Variants in USP35 observed in about 807,000 individuals in gnomAD.
USP35 encodes the protein ubiquitin carboxyl-terminal hydrolase 35.
A neutral mutation model predicts 83.8 loss-of-function variants in USP35; 69 were observed. The ratio of observed to expected loss-of-function variants is 0.82; its 90% CI spans 0.68 to 1.01. The LOEUF (loss-of-function observed/expected upper bound fraction) is 1.01, where lower values mean the gene tolerates loss of function less well. Ranked by LOEUF, USP35 falls within the 50% of genes least tolerant of loss-of-function variation. The pLI is 0.00. For synonymous variants in USP35, 714 were observed against 589.5 expected (o/e 1.21, Z -3.06); for missense variants, 1,503 against 1,362.5 (o/e 1.10, Z -1.62).
rs61760228 is a variant in USP35 at position 78,209,815 on chromosome 11, C to T, written c.1960C>T (p.Pro654Ser). 3,168 of 1,613,640 alleles carry T rather than the reference C, an allele frequency of 2.0e-3. 8 individuals are homozygous for T. The highest frequency in any genetic ancestry group is 2.5e-3 in the Non-Finnish European group (2,997 of 1,179,822). ...RKHCITEDTP[P>S]TSLYIEGLDS... ...ACACTGCATCACAGAGGACACCCCC[C>T]CCACCAGCCTGTACATCGAAGGCCT... The change falls in exon 10 of 11, where the codon CCC (proline) becomes TCC (serine). Residue 654 changes from proline to serine, a missense_variant. Transcript: ENST00000529308.
the USP35 span, among the ~76,000 whole-genome samples, chr11:78,230,258 G>GT: frequency 1.3e-5 from 2 of 152,164 alleles, no homozygotes; most frequent in Non-Finnish European, 2.9e-5. Context: ...ACTAGCTTAC[G>GT]TTCCAACTTC....
the USP35 span, among the ~76,000 whole-genome samples, chr11:78,221,052 C>T: frequency 3.3e-5 from 5 of 152,228 alleles, no homozygotes; most frequent in Admixed American, 6.5e-5. Context: ...TCAGATGACA[C>T]GCTCTAGGAT....
At position 78,199,711 on chromosome 11, in the gene USP35, C is replaced by T; in HGVS notation, c.923C>T (p.Thr308Ile). The T allele has an allele frequency of 6.2e-7, 1 of 1,614,218 alleles. No individual in the cohort carries two copies. The highest frequency in any genetic ancestry group is 8.5e-7 in the Non-Finnish European group (1 of 1,180,034). The change falls in exon 4 of 11, where the codon ACC (threonine) becomes ATC (isoleucine). Residue 308 changes from threonine (T) to isoleucine (I), a missense_variant. Transcript: ENST00000529308. ...KFSILIEVSL[T>I]KIEKVFSKLL... ...AGCATCTTGATCGAGGTTTCGCTCACCAAAATTGAGAAGGTTGGTGCCCCT... is the reference window on the plus strand; with the variant it reads ...AGCATCTTGATCGAGGTTTCGCTCATCAAAATTGAGAAGGTTGGTGCCCCT...
intron 6 of USP35, among the ~76,000 whole-genome samples, chr11:78,201,275 G>C (rs938496241): frequency 1.4e-4 from 21 of 152,150 alleles, no homozygotes; most frequent in African/African-American, 5.1e-4. Flanking sequence ...ATCACTGTCT[G>C]TCTGCCTCCC....
At chr11:78,219,234 G>A (rs923042940), downstream of USP35, 1 of 1,601,434 alleles carries the variant, frequency 6.2e-7, no homozygotes, top group Non-Finnish European at 8.5e-7. Context: ...GGCCAGCTCT[G>A]GAGATGCTGC....
Position 78,213,757 on chromosome 11 carries a change from G to T in USP35, c.3001G>T (p.Gly1001Trp). The change falls in exon 11 of 11, where the codon GGG becomes TGG. Residue 1001 changes from glycine (G) to tryptophan (W), a missense_variant. Coordinates refer to ENST00000529308, the MANE Select transcript of USP35 (RefSeq NM_020798.4). ...CAAGGATGAGGATGAAGGCTCTCCAGGGGGCTGCAATCCTGCAGGTGGCAA... is the reference window on the plus strand; with the variant it reads ...CAAGGATGAGGATGAAGGCTCTCCATGGGGCTGCAATCCTGCAGGTGGCAA... ...EDKDEDEGSP[G>W]GCNPAGGNGG... 1.9e-6 allele frequency: 3 copies of T among 1,544,454 alleles called. No individual in the cohort carries two copies. The highest frequency in any genetic ancestry group is 2.6e-6 in the Non-Finnish European group (3 of 1,154,416).
Position 78,214,881 on chromosome 11 carries a change from C to CTGACT in USP35, c.*1070_*1074dup, listed in dbSNP as rs768982946. 1.9e-4 allele frequency among the ~76,000 whole-genome samples: 26 copies of CTGACT among 137,442 alleles called. No homozygotes were observed. Among genetic ancestry groups the CTGACT allele is most frequent in the African/African-American group, 5.4e-4 (18 of 33,072 alleles). The allele number at this position is 137,442 out of a possible 152,430, so 90.2% of individuals were successfully genotyped here. A position where few individuals can be genotyped will look rare whatever the true frequency, so the allele number is the denominator to read the frequency against. ...GGGTGTAAGTAAACGTGTGGACTGACTGACTTACTTACCTTACTGAGGGCT... is the reference window on the plus strand; with the variant it reads ...GGGTGTAAGTAAACGTGTGGACTGACTGACTTGACTTACTTACCTTACTGAGGGCT... On this transcript the variant is annotated 3_prime_UTR_variant, in exon 11 of 11. Coordinates refer to ENST00000529308, the MANE Select transcript of USP35 (RefSeq NM_020798.4).
chr11:78,194,925 T>G (rs2137025274), intron 1 of USP35, among the ~76,000 whole-genome samples: 1 of 152,138 alleles, frequency 6.6e-6, no homozygotes, highest in Non-Finnish European at 1.5e-5. Flanking sequence ...ATGTTCTAAT[T>G]TTTAATAAGG....
At chr11:78,233,355 G>T in the USP35 span, among the ~76,000 whole-genome samples, 1 of 152,246 alleles carries the variant, frequency 6.6e-6, no homozygotes, top group African/African-American at 2.4e-5. Flanking sequence ...TTTTATTTTA[G>T]CCCTTCCAGC....
rs186713988 is a variant in USP35 at position 78,203,679 on chromosome 11, C to T, written c.1198-2163C>T. Reference sequence around the variant, plus strand: ...TTGCAAGCTCTGCCTCCCAGGTTCACGCCATTCTCTTGCCTCAGCCTCCTG... The same window carrying T: ...TTGCAAGCTCTGCCTCCCAGGTTCATGCCATTCTCTTGCCTCAGCCTCCTG... On this transcript the variant is annotated intron_variant, in intron 6 of 10. Coordinates refer to ENST00000529308, the MANE Select transcript of USP35 (RefSeq NM_020798.4). Among the ~76,000 whole-genome samples, 117 of 151,042 alleles carry T rather than the reference C, an allele frequency of 7.7e-4. 1 individual carries two copies. The highest frequency in any genetic ancestry group is 2.1e-4 in the South Asian group (1 of 4,790).
downstream of USP35, chr11:78,215,255 C>G (rs1477083566): frequency 1.3e-5 from 2 of 152,488 alleles, no homozygotes. Flanking sequence ...CGGGTTCCAC[C>G]ACCAAGCCCC....
intron 10 of USP35, among the ~76,000 whole-genome samples, chr11:78,213,057 C>A (rs745635709): frequency 6.6e-6 from 1 of 152,128 alleles, no homozygotes; most frequent in African/African-American, 2.4e-5. Context: ...GTGTTTTGTG[C>A]GGGGGAATAC....
chr11:78,213,935 C>A lies in USP35; in HGVS notation c.*122C>A. 9.0e-7 allele frequency: 1 copy of A among 1,115,718 alleles called. No homozygotes were observed. Among genetic ancestry groups the A allele is most frequent in the Non-Finnish European group, 1.2e-6 (1 of 817,464 alleles). 69.1% of individuals were successfully genotyped at this position (1,115,718 alleles called of 1,614,324 possible). ...CAGCTCATGGCACCTTAGTCCTCAGCCTGATGAAGGGTACACAGAGATTCT... is the reference window on the plus strand; with the variant it reads ...CAGCTCATGGCACCTTAGTCCTCAGACTGATGAAGGGTACACAGAGATTCT... On this transcript the variant is annotated 3_prime_UTR_variant, in exon 11 of 11. Coordinates refer to ENST00000529308, the MANE Select transcript of USP35 (RefSeq NM_020798.4).
chr11:78,208,796 C>T, intron 8 of USP35, 61 bp from the exon 9 acceptor site: 1 of 1,579,374 alleles, frequency 6.3e-7, no homozygotes, highest in Non-Finnish European at 8.7e-7. Flanking sequence ...CTAACCTGTG[C>T]AGAGCTGGCT....
At chr11:78,200,920 G>C in intron 6 of USP35, 112 bp downstream of exon 6, 2 of 1,432,110 alleles carry the variant, frequency 1.4e-6, no homozygotes, top group Non-Finnish European at 1.9e-6. Context: ...TTTGGTGCCT[G>C]GCTGTCTCCC....
chr11:78,234,249 CT>C, the USP35 span, among the ~76,000 whole-genome samples: 1 of 152,014 alleles, frequency 6.6e-6, no homozygotes, highest in Non-Finnish European at 1.5e-5. Context: ...TGCCTGGCTA[CT>C]TTTTGTATTT....
intron 4 of USP35, 92 bp downstream of exon 4, chr11:78,199,816 C>A: frequency 6.3e-7 from 1 of 1,586,306 alleles, no homozygotes; most frequent in South Asian, 1.1e-5. Flanking sequence ...AGCATTGGGC[C>A]TACCCACCAA....
chr11:78,190,919 C>T (rs1299259295), intron 1 of USP35, among the ~76,000 whole-genome samples: 1 of 152,218 alleles, frequency 6.6e-6, no homozygotes, highest in Non-Finnish European at 1.5e-5. Flanking sequence ...CACCCCTGCC[C>T]CACATCAGCT....
At position 78,209,595 on chromosome 11, in the gene USP35, T is replaced by G; in HGVS notation, c.1740T>G (p.Cys580Trp). Residue 580 changes from cysteine (C) to tryptophan (W), a missense_variant, in exon 10 of 11, where the codon TGT (cysteine) becomes TGG (tryptophan). Coordinates refer to ENST00000529308, the MANE Select transcript of USP35 (RefSeq NM_020798.4). The stretch of plus-strand genomic sequence containing the variant: ...GCAAGATAGTGACTCGGATCTGCTG[T>G]CTCTGCTGCCTCAACGTCTCCTCCC... ...FGGKIVTRIC[C>W]LCCLNVSSRE... 1 of 1,614,106 alleles carries G rather than the reference T, an allele frequency of 6.2e-7. No homozygotes were observed.
Sources: allele counts gnomAD v4.1 joint callset (sites outside exome capture counted in the v4.1 genomes callset), GRCh38; gene constraint gnomAD v4.1.1; transcripts MANE v1.5; gene names NCBI Gene and HGNC (gene_info 2026-07-23, HGNC 2026-07-21).